The following PARPBP variants were observed in gnomAD, a reference collection of about 807,000 sequenced individuals.
The protein encoded by PARPBP is PARP1 binding protein, also known as PCNA-interacting partner.
PARPBP carries 52 observed loss-of-function variants against 50.0 expected under a neutral mutation model. That is an observed-to-expected ratio of 1.04 (90% CI 0.83 to 1.31). PARPBP has a LOEUF of 1.31. PARPBP is among the 50% of genes most tolerant of loss of function. The pLI is 0.00. For synonymous variants in PARPBP, 244 were observed against 232.1 expected (o/e 1.05, Z -0.47); for missense variants, 697 against 672.0 (o/e 1.04, Z -0.41).
chr12:102,195,666 T>C (rs1891239485), intron 10 of PARPBP, among the ~76,000 whole-genome samples: 1 of 151,726 alleles, frequency 6.6e-6, no homozygotes, highest in Non-Finnish European at 1.5e-5. Flanking sequence ...AAGAAGTAAT[T>C]TGTAGCATAT....
chr12:102,180,693 C>T (rs1020712492), intron 8 of PARPBP, among the ~76,000 whole-genome samples: 5 of 152,180 alleles, frequency 3.3e-5, no homozygotes, highest in African/African-American at 1.2e-4. Flanking sequence ...TGCACTCTCT[C>T]CTAGGTGACA....
At chr12:102,130,981 G>A (rs1882769592) in intron 2 of PARPBP, among the ~76,000 whole-genome samples, 1 of 152,126 alleles carries the variant, frequency 6.6e-6, no homozygotes, top group African/African-American at 2.4e-5. Flanking sequence ...ATTAAAAATT[G>A]CAAGTCAAAA....
At chr12:102,121,267 G>A (rs890801860) in intron 1 of PARPBP, among the ~76,000 whole-genome samples, 1 of 152,164 alleles carries the variant, frequency 6.6e-6, no homozygotes, top group Admixed American at 6.5e-5. Flanking sequence ...CTAAGAAGGA[G>A]TGTTACGTGT....
At chr12:102,151,653 A>C (rs1183389602) in intron 3 of PARPBP, 4 of 1,535,554 alleles carry the variant, frequency 2.6e-6, no homozygotes, top group Non-Finnish European at 2.6e-6. Context: ...AAGATCCACC[A>C]GTGTCAGCCT....
At chr12:102,155,007 A>C (rs1886686623) in intron 4 of PARPBP, 1 of 319,668 alleles carries the variant, frequency 3.1e-6, no homozygotes, top group Non-Finnish European at 6.1e-6. Flanking sequence ...GTCTTTAGAT[A>C]ATAATTCTTT....
chr12:102,131,886 C>T (rs1160680035), intron 2 of PARPBP, among the ~76,000 whole-genome samples: 4 of 152,118 alleles, frequency 2.6e-5, no homozygotes, highest in Admixed American at 6.5e-5. Context: ...CTAATGGGCA[C>T]TTGGCTTAAT....
chr12:102,170,905 C>CTTTTTTTTTTTTTTTTTTTATTTTTTT (rs56390964), intron 6 of PARPBP, among the ~76,000 whole-genome samples: 1 of 113,310 alleles, frequency 8.8e-6, no homozygotes, highest in East Asian at 2.5e-4. Flanking sequence ...TTTAATTTTT[C>CTTTTTTTTTTTTTTTTTTTATTTTTTT]TTTTTTTTTT....
chr12:102,122,881 C>G (rs889786614), intron 1 of PARPBP, among the ~76,000 whole-genome samples: 1 of 152,178 alleles, frequency 6.6e-6, no homozygotes, highest in African/African-American at 2.4e-5. Flanking sequence ...AAAAGTATCT[C>G]CACCAAGTTA....
At chr12:102,165,048 C>T (rs960199625) in intron 5 of PARPBP, among the ~76,000 whole-genome samples, 4 of 152,168 alleles carry the variant, frequency 2.6e-5, no homozygotes, top group African/African-American at 9.7e-5. Context: ...TCTGTTGTTT[C>T]CTAATTTATT....
rs766560350 is a variant in PARPBP at position 102,178,597 on chromosome 12, ATC to A, written c.1014_1015del (p.His339CysfsTer27). 4 of 1,569,556 alleles carry A rather than the reference ATC, an allele frequency of 2.5e-6. No homozygotes were observed. The South Asian group carries it at 4.8e-5, about 19-fold the overall frequency. ...TTDISPARPK[S>X]HAINHGTAYC... ...AAAATTATTTTTTGTCTCAGCCAAA[ATC>A]TCATGCCATAAACCATGGTACTGCA... On this transcript the variant is annotated frameshift_variant, in exon 8 of 11. Transcript: ENST00000327680. LOFTEE classifies it high-confidence loss of function.
chr12:102,138,518 C>G (rs1470403989), intron 2 of PARPBP, among the ~76,000 whole-genome samples: 3 of 152,000 alleles, frequency 2.0e-5, no homozygotes. Flanking sequence ...AGTTAGATCC[C>G]ATTTATCAAT....
intron 4 of PARPBP, among the ~76,000 whole-genome samples, chr12:102,161,810 A>G (rs962119692): frequency 3.9e-5 from 6 of 152,356 alleles, no homozygotes; most frequent in Non-Finnish European, 8.8e-5. Flanking sequence ...GGTGATATGC[A>G]GAGTTATCAC....
At chr12:102,172,401 C>T (rs1437516256) in intron 6 of PARPBP, among the ~76,000 whole-genome samples, 1 of 152,058 alleles carries the variant, frequency 6.6e-6, no homozygotes, top group African/African-American at 2.4e-5. Flanking sequence ...TTTGTATTGC[C>T]GGTGAACAGC....
At chr12:102,175,113 A>G (rs1889131369) in intron 6 of PARPBP, among the ~76,000 whole-genome samples, 1 of 152,224 alleles carries the variant, frequency 6.6e-6, no homozygotes, top group Non-Finnish European at 1.5e-5. Context: ...AATGAATGTA[A>G]GAGTCTAGAT....
Position 102,182,529 on chromosome 12 carries a change from C to CTTTT in PARPBP, c.1185-11_1185-8dup. 1.4e-6 allele frequency: 2 copies of CTTTT among 1,406,090 alleles called. No individual in the cohort carries two copies. The highest frequency in any genetic ancestry group is 1.9e-6 in the Non-Finnish European group (2 of 1,025,862). 87.1% of individuals were successfully genotyped at this position (1,406,090 alleles called of 1,614,324 possible). On this transcript the variant is annotated intron_variant, in intron 8 of 10. Coordinates refer to ENST00000327680, the MANE Select transcript of PARPBP (RefSeq NM_017915.5). ...TCCAACCATAGCAATAAATTTTTGC[C>CTTTT]TTTTTTTTTTTTGACATAGGTCTCC...
At chr12:102,123,718 A>G (rs1440836264) in intron 1 of PARPBP, among the ~76,000 whole-genome samples, 168 bp from the exon 2 acceptor site, 2 of 152,158 alleles carry the variant, frequency 1.3e-5, no homozygotes, top group African/African-American at 2.4e-5. Context: ...TTGCGCAGAA[A>G]TTGTATTATT....
rs1301321086 is a variant in PARPBP at position 102,195,336 on chromosome 12, C to T, written c.1288C>T (p.Gln430Ter). The change falls in exon 10 of 11, where the codon CAA (glutamine) becomes TAA (stop). Residue 430 changes from glutamine to a stop codon, truncating the protein, a stop_gained. Coordinates refer to ENST00000327680, the MANE Select transcript of PARPBP (RefSeq NM_017915.5). LOFTEE classifies it high-confidence loss of function. ...GATGAAGCAAACTTTAATTAGATCC[C>T]AATTTGCTTGTACTTATAAAGATGA... is the stretch of plus-strand genomic sequence containing the variant. The part of the protein sequence containing the change: ...IKMKQTLIRS[Q>*]FACTYKDDYM... 3 of 1,556,888 alleles carry T rather than the reference C, an allele frequency of 1.9e-6. No homozygotes were observed. The highest frequency in any genetic ancestry group is 8.7e-7 in the Non-Finnish European group (1 of 1,142,908).
intron 4 of PARPBP, among the ~76,000 whole-genome samples, chr12:102,159,817 T>C (rs546330618): frequency 1.3e-5 from 2 of 152,332 alleles, no homozygotes; most frequent in African/African-American, 4.8e-5. Context: ...GTTAATCTTC[T>C]CAGCTTAGAA....
chr12:102,195,863 G>T, intron 10 of PARPBP, 88 bp from the exon 11 acceptor site: 1 of 790,366 alleles, frequency 1.3e-6, no homozygotes, highest in Non-Finnish European at 2.0e-6. Flanking sequence ...ATATTCGTTA[G>T]CCATTTTTAA....
Sources: allele counts gnomAD v4.1 joint callset (sites outside exome capture counted in the v4.1 genomes callset), GRCh38; gene constraint gnomAD v4.1.1; transcripts MANE v1.5; gene names NCBI Gene and HGNC (gene_info 2026-07-23, HGNC 2026-07-21).